Variants in PLA2G4F observed in about 807,000 individuals in gnomAD.
PLA2G4F encodes phospholipase A2 group IVF.
PLA2G4F carries 105 observed loss-of-function variants against 103.1 expected under a neutral mutation model. The observed-to-expected ratio is 1.02, with a 90% CI of 0.87 to 1.20. The LOEUF (loss-of-function observed/expected upper bound fraction) is 1.20. Among genes scored for constraint, PLA2G4F ranks in the 50% most tolerant of loss-of-function variants. The pLI is 0.00. For missense variants in PLA2G4F, 1,155 were observed against 1,075.9 expected, an observed-to-expected ratio of 1.07 and a Z score of -1.03; for synonymous variants, 468 against 441.1, an observed-to-expected ratio of 1.06 and a Z score of -0.76.
chr15:42,151,328 G>T, intron 7 of PLA2G4F: 1 of 985,060 alleles, frequency 1.0e-6, no homozygotes, highest in Non-Finnish European at 1.2e-6. Context: ...GAGAAGCGGC[G>T]GAGGGCTAGC....
At chr15:42,155,127 G>A (rs550744880) in intron 2 of PLA2G4F, among the ~76,000 whole-genome samples, 2 of 151,164 alleles carry the variant, frequency 1.3e-5, no homozygotes, top group South Asian at 2.1e-4. Context: ...ACACACACTC[G>A]CACTCACATA....
intron 6 of PLA2G4F, 102 bp downstream of exon 6, chr15:42,153,198 G>A (rs2048976859): frequency 7.5e-6 from 10 of 1,340,248 alleles, no homozygotes; most frequent in Non-Finnish European, 3.1e-6. Flanking sequence ...TCCGAGGAGG[G>A]CTTGGGTGTC....
chr15:42,152,750 T>C lies in PLA2G4F; in HGVS notation c.539A>G (p.His180Arg). The part of the protein sequence containing the change: ...EVITNGVLVA[H>R]PCLRIQGTLR... ...CGTGCCCTGGATTCTCAGACAGGGG[T>C]GAGCCTGAGGAAAGCAGAGGCCTGT... The change falls in exon 7 of 20, where the codon CAC (histidine) becomes CGC (arginine). Residue 180 changes from histidine to arginine, a missense_variant. Transcript: ENST00000397272. The C allele has an allele frequency of 6.4e-7, 1 of 1,554,624 alleles. No homozygotes were observed. The highest frequency in any genetic ancestry group is 8.7e-7 in the Non-Finnish European group (1 of 1,148,638).
intron 1 of PLA2G4F, 52 bp downstream of exon 1, chr15:42,156,387 G>T: frequency 6.8e-7 from 1 of 1,467,722 alleles, no homozygotes; most frequent in Non-Finnish European, 9.3e-7. Context: ...GGGCACTGCA[G>T]CTCCCAGGAC....
At chr15:42,151,029 G>A in intron 7 of PLA2G4F, 1 of 985,452 alleles carries the variant, frequency 1.0e-6, no homozygotes, top group Non-Finnish European at 1.2e-6. Context: ...TGGAGGGGAA[G>A]GCAGGGAGCG....
chr15:42,154,540 G>A (rs2048993167), intron 2 of PLA2G4F, 82 bp from the exon 3 acceptor site: 1 of 1,437,228 alleles, frequency 7.0e-7, no homozygotes, highest in Non-Finnish European at 9.1e-7. Context: ...GGCAGAAGGG[G>A]AAGGAGCAGA....
intron 5 of PLA2G4F, 72 bp from the exon 6 acceptor site, chr15:42,153,414 C>A: frequency 6.4e-7 from 1 of 1,565,528 alleles, no homozygotes; most frequent in South Asian, 1.1e-5. Context: ...CATAATGTGA[C>A]TGAAGCAGCG....
chr15:42,153,158 T>C (rs960756262), intron 6 of PLA2G4F, 142 bp downstream of exon 6: 4 of 992,978 alleles, frequency 4.0e-6, no homozygotes, highest in Non-Finnish European at 5.9e-6. Flanking sequence ...GTCCTTTCCC[T>C]CTGGAGGTGC....
At position 42,147,234 on chromosome 15, in the gene PLA2G4F, C is replaced by G; in HGVS notation, c.1309G>C (p.Glu437Gln). Residue 437 changes from glutamate to glutamine, a missense_variant, in exon 13 of 20, where the codon GAG (glutamate) becomes CAG (glutamine). Coordinates refer to ENST00000397272, the MANE Select transcript of PLA2G4F (RefSeq NM_213600.4). ...CSSKMGALST[E>Q]RLQYYTQELG... ...TCCTGAGTGTAGTACTGTAGCCGCTCCGTGGACAAAGCTCCCATCTTACTG... is the reference window on the plus strand; with the variant it reads ...TCCTGAGTGTAGTACTGTAGCCGCTGCGTGGACAAAGCTCCCATCTTACTG... The G allele has an allele frequency of 1.9e-6, 3 of 1,612,796 alleles. No homozygotes were observed. Among genetic ancestry groups the G allele is most frequent in the Non-Finnish European group, 2.5e-6 (3 of 1,180,000 alleles).
Position 42,144,027 on chromosome 15 carries a change from GCT to G in PLA2G4F, c.2091_2092del (p.Arg697SerfsTer9), listed in dbSNP as rs1319348235. ...GTCAAAGGACAGAATGAGGTCCACT[GCT>G]CTCTGAGGCAGCAGAGCCAGTGGGA... On this transcript the variant is annotated frameshift_variant, in exon 18 of 20. Transcript: ENST00000397272. LOFTEE classifies it high-confidence loss of function. 1.2e-6 allele frequency: 2 copies of G among 1,613,980 alleles called. No individual in the cohort carries two copies. Among genetic ancestry groups the G allele is most frequent in the Admixed American group, 1.7e-5 (1 of 60,000 alleles).
At chr15:42,150,851 G>A (rs74009020) in intron 7 of PLA2G4F, 74 bp from the exon 8 acceptor site, 122,115 of 1,533,946 alleles carry the variant, frequency 0.08, 9,702 homozygotes, top group African/African-American at 0.38. Context: ...TGCTGGCAGC[G>A]CCCCAGCAGC....
intron 6 of PLA2G4F, 35 bp from the exon 7 acceptor site, chr15:42,152,789 C>G (rs372613666): frequency 1.4e-5 from 22 of 1,542,672 alleles, no homozygotes; most frequent in East Asian, 4.9e-5. Flanking sequence ...AGCCAGACAG[C>G]CCACGGCCCC....
At chr15:42,148,786 T>C (rs140822536) in intron 11 of PLA2G4F, 10,459 of 985,370 alleles carry the variant, frequency 0.011, 65 homozygotes, top group Non-Finnish European at 0.012. Context: ...CTCATTCCAC[T>C]CTGGATTTTT....
intron 7 of PLA2G4F, 90 bp from the exon 8 acceptor site, chr15:42,150,867 C>T: frequency 2.0e-6 from 3 of 1,514,026 alleles, no homozygotes; most frequent in Non-Finnish European, 2.6e-6. Flanking sequence ...GCAGCAACCC[C>T]TCCCTTCTCT....
At position 42,147,130 on chromosome 15, in the gene PLA2G4F, G is replaced by C. The variant is rs1163848372; in HGVS notation, c.1413C>G (p.Tyr471Ter). 4.3e-6 allele frequency: 7 copies of C among 1,611,528 alleles called. No homozygotes were observed. The highest frequency in any genetic ancestry group is 5.9e-6 in the Non-Finnish European group (7 of 1,179,368). The change falls in exon 13 of 20, where the codon TAC (tyrosine) becomes TAG (stop). Residue 471 changes from tyrosine (Y) to a stop codon, truncating the protein, a stop_gained. Coordinates refer to ENST00000397272, the MANE Select transcript of PLA2G4F (RefSeq NM_213600.4). LOFTEE classifies it high-confidence loss of function. ...CTTCTGGCTCTTCTCTCACCTCCTG[G>C]TACAGGAGATACTCAACAAGGAGGC... ...LWGLLVEYLL[Y>*]QEENPAKLSD...
intron 7 of PLA2G4F, chr15:42,151,658 G>T: frequency 1.9e-5 from 19 of 985,280 alleles, no homozygotes; most frequent in Non-Finnish European, 2.3e-5. Flanking sequence ...ACCAAGTGTG[G>T]GGAGGGAATT....
chr15:42,142,746 T>C, intron 18 of PLA2G4F, 32 bp from the exon 19 acceptor site: 1 of 1,611,636 alleles, frequency 6.2e-7, no homozygotes, highest in Non-Finnish European at 8.5e-7. Flanking sequence ...ACTCTGCCTT[T>C]CCTCCACCCT....
intron 18 of PLA2G4F, among the ~76,000 whole-genome samples, chr15:42,143,004 C>T (rs1416044441): frequency 1.3e-5 from 2 of 151,868 alleles, no homozygotes; most frequent in African/African-American, 2.4e-5. Flanking sequence ...CATGGTGAAA[C>T]CCCGTCTCTA....
In PLA2G4F at chr15:42,156,471, C is replaced by G; in HGVS notation, c.79G>C (p.Glu27Gln). ...TGCCTCCACAGAGGGCCCCTCTTCT[C>G]TCTCTTCTGAAGCAGCACTGCCCCC... is the stretch of plus-strand genomic sequence containing the variant. ...LLGAVLLQKREKRGPLWRHWR... is the reference protein window; with the variant it reads ...LLGAVLLQKRQKRGPLWRHWR... Residue 27 changes from glutamate to glutamine, a missense_variant, in exon 1 of 20, where the codon GAG (glutamate) becomes CAG (glutamine). This residue lies in a region of PLA2G4F where 370 missense variants were observed against 364.9 expected (regional missense o/e 1.01). Coordinates refer to ENST00000397272, the MANE Select transcript of PLA2G4F (RefSeq NM_213600.4). 6.4e-7 allele frequency: 1 copy of G among 1,565,522 alleles called. No individual in the cohort carries two copies. The highest frequency in any genetic ancestry group is 8.7e-7 in the Non-Finnish European group (1 of 1,154,020).
Sources: gnomAD v4.1 joint callset for allele counts (sites outside exome capture counted in the v4.1 genomes callset) on GRCh38, gnomAD v4.1.1 for gene constraint, gnomAD v4.1.1 regional missense constraint, MANE v1.5 for transcripts, NCBI Gene and HGNC (gene_info 2026-07-23, HGNC 2026-07-21) for gene names.